HS6ST2: variants seen among roughly 807,000 people sequenced by gnomAD.
HS6ST2 encodes heparan-sulfate 6-O-sulfotransferase 2.
HS6ST2 carries 17 observed loss-of-function variants against 33.0 expected under a neutral mutation model. That is an observed-to-expected ratio of 0.52 (90% CI 0.35 to 0.77). HS6ST2 has a LOEUF of 0.77. HS6ST2 is among the 30% of genes least tolerant of loss of function. HS6ST2 has a pLI of 0.01. For missense variants in HS6ST2, 519 were observed against 551.7 expected, an observed-to-expected ratio of 0.94 and a Z score of 0.59; for synonymous variants, 248 against 237.1, an observed-to-expected ratio of 1.05 and a Z score of -0.42.
chrX:132,758,904 A>G (rs1237559555), intron 2 of HS6ST2, among the ~76,000 whole-genome samples: 1 of 111,278 alleles, frequency 9.0e-6, no homozygotes, highest in Non-Finnish European at 1.9e-5. Context: ...AGCCTGATAT[A>G]GAAAGCCTAT....
intron 2 of HS6ST2, among the ~76,000 whole-genome samples, chrX:132,937,820 C>T (rs1247463275): frequency 9.0e-6 from 1 of 110,812 alleles, no homozygotes; most frequent in African/African-American, 3.3e-5. Flanking sequence ...CAAGAGAATG[C>T]GAGGTTGGCT....
chrX:132,693,437 C>T (rs1466674360), intron 3 of HS6ST2, among the ~76,000 whole-genome samples: 3 of 111,533 alleles, frequency 2.7e-5, no homozygotes, highest in Non-Finnish European at 5.7e-5. Flanking sequence ...GGAAGGCCAA[C>T]CTTCTCTAAC....
intron 4 of HS6ST2, 129 bp from the exon 5 acceptor site, chrX:132,629,222 G>A: frequency 2.7e-6 from 2 of 731,308 alleles, no homozygotes; most frequent in South Asian, 5.6e-5. Context: ...GGGATCTGAT[G>A]GCATTTGTCC....
chrX:132,777,008 C>G (rs987441447), intron 2 of HS6ST2, among the ~76,000 whole-genome samples: 1 of 106,674 alleles, frequency 9.4e-6, no homozygotes. Flanking sequence ...CAGTAGGAGG[C>G]GATTTTGCAT....
intron 2 of HS6ST2, among the ~76,000 whole-genome samples, chrX:132,864,318 A>C (rs974767319): frequency 9.1e-6 from 1 of 109,428 alleles, no homozygotes; most frequent in Non-Finnish European, 1.9e-5. Flanking sequence ...CTAAAGGAGC[A>C]CATTCTAACC....
rs2063485672 is a variant in HS6ST2, at chrX:132,627,234, T to G, written c.*989A>C. The G allele has an allele frequency of 8.9e-6, 1 of 112,665 alleles. No homozygotes were observed. Among genetic ancestry groups the G allele is most frequent in the South Asian group, 3.7e-4 (1 of 2,732 alleles). 9.3% of individuals were successfully genotyped at this position (112,665 alleles called of 1,213,427 possible). A position where few individuals can be genotyped will look rare whatever the true frequency, so the allele number is the denominator to read the frequency against. ...ACATTATCCTGTTCAAGTTTCTTGA[T>G]TAGGACCTCACTACACAAATATTGA... On this transcript the variant is annotated 3_prime_UTR_variant, in exon 5 of 5. Transcript: ENST00000370833.
chrX:132,727,496 G>A (rs1235295935), intron 2 of HS6ST2, among the ~76,000 whole-genome samples: 1 of 110,825 alleles, frequency 9.0e-6, no homozygotes. Flanking sequence ...GTTATTGGAA[G>A]CCCATTTCCC....
At chrX:132,817,574 G>A (rs1039672673) in intron 2 of HS6ST2, among the ~76,000 whole-genome samples, 3 of 112,051 alleles carry the variant, frequency 2.7e-5, no homozygotes, top group Non-Finnish European at 5.6e-5. Flanking sequence ...GACTTACGGA[G>A]TCACACCTTT....
chrX:132,926,152 C>T (rs759421971), intron 2 of HS6ST2, among the ~76,000 whole-genome samples: 19 of 112,724 alleles, frequency 1.7e-4, no homozygotes, highest in Admixed American at 3.8e-4. Context: ...CACTTCTCCA[C>T]GAACAACTGT....
chrX:132,951,775 C>T (rs1255324896), intron 2 of HS6ST2, among the ~76,000 whole-genome samples: 1 of 111,968 alleles, frequency 8.9e-6, no homozygotes, highest in Non-Finnish European at 1.9e-5. Flanking sequence ...TCTGCTTTGC[C>T]GATTAGACCC....
Position 132,693,011 on chromosome X carries a change from A to C in HS6ST2, c.980+15451T>G, listed in dbSNP as rs755950752. Reference sequence around the variant, plus strand: ...TGATTTATAGCAGAGGGGGTAACAGAAAAATCCTCTTTTGTAGGGGTATGA... The same window carrying C: ...TGATTTATAGCAGAGGGGGTAACAGCAAAATCCTCTTTTGTAGGGGTATGA... On this transcript the variant is annotated intron_variant, in intron 3 of 4. Transcript: ENST00000370833. 2.7e-5 allele frequency among the ~76,000 whole-genome samples: 3 copies of C among 112,089 alleles called. No homozygotes were observed. In the East Asian group the frequency reaches 8.5e-4, roughly 32 times the overall value.
intron 2 of HS6ST2, among the ~76,000 whole-genome samples, chrX:132,941,958 A>G (rs2066892056): frequency 8.9e-6 from 1 of 112,041 alleles, no homozygotes. Context: ...TATTAGTATG[A>G]TTATCTTTCA....
At chrX:132,929,204 A>G (rs1300892361) in intron 2 of HS6ST2, among the ~76,000 whole-genome samples, 1 of 111,607 alleles carries the variant, frequency 9.0e-6, no homozygotes, top group Non-Finnish European at 1.9e-5. Flanking sequence ...GGAGCCTCAA[A>G]GACTTAAAAA....
intron 2 of HS6ST2, among the ~76,000 whole-genome samples, chrX:132,732,226 T>C (rs1484907734): frequency 2.7e-5 from 3 of 111,849 alleles, no homozygotes; most frequent in East Asian, 2.8e-4. Flanking sequence ...CATTTCTTAT[T>C]GGTTTCAAAG....
At chrX:132,802,394 T>C (rs2065243107) in intron 2 of HS6ST2, among the ~76,000 whole-genome samples, 1 of 111,977 alleles carries the variant, frequency 8.9e-6, no homozygotes, top group Non-Finnish European at 1.9e-5. Flanking sequence ...GAAGCCCGGA[T>C]GCATCTTTTT....
intron 4 of HS6ST2, among the ~76,000 whole-genome samples, chrX:132,642,758 A>G (rs958050027): frequency 1.8e-5 from 2 of 112,471 alleles, no homozygotes; most frequent in African/African-American, 6.5e-5. Flanking sequence ...GGGCAAGTAC[A>G]GGAAGGAGGA....
At chrX:132,944,084 T>C (rs1218478648) in intron 2 of HS6ST2, among the ~76,000 whole-genome samples, 5 of 111,674 alleles carry the variant, frequency 4.5e-5, no homozygotes, top group Admixed American at 9.5e-5. Context: ...TGTTTGCAGA[T>C]GACATGACTA....
intron 2 of HS6ST2, among the ~76,000 whole-genome samples, chrX:132,847,005 C>A (rs138292735): frequency 3.3e-3 from 364 of 111,353 alleles, no homozygotes; most frequent in Non-Finnish European, 5.2e-3. Context: ...TATTAATAGT[C>A]CATCAGAAGC....
chrX:132,826,537 A>G (rs775027215), intron 2 of HS6ST2, among the ~76,000 whole-genome samples: 1 of 110,658 alleles, frequency 9.0e-6, no homozygotes, highest in South Asian at 3.8e-4. Flanking sequence ...ATATTATTAA[A>G]ATTAATTTCA....
Sources: allele counts gnomAD v4.1 joint callset (sites outside exome capture counted in the v4.1 genomes callset), GRCh38; gene constraint gnomAD v4.1.1; transcripts MANE v1.5; gene names NCBI Gene and HGNC (gene_info 2026-07-23, HGNC 2026-07-21).